SPHKAP: variants seen among roughly 807,000 people sequenced by gnomAD.
SPHKAP encodes SPHK1 interactor, AKAP domain containing, also known as A-kinase anchor protein SPHKAP.
A neutral mutation model predicts 137.5 loss-of-function variants in SPHKAP; 67 were observed. The observed-to-expected ratio is 0.49, with a 90% confidence interval of 0.40 to 0.60. The LOEUF is 0.60. SPHKAP is among the 20% of genes least tolerant of loss of function. The probability of loss-of-function intolerance (pLI) is 0.00; values close to 1 mark genes in which losing one functional copy is unlikely to be tolerated. For missense variants in SPHKAP, 2,097 were observed against 2,069.3 expected (o/e 1.01, Z -0.26); for synonymous variants, 813 against 785.3 (o/e 1.04, Z -0.59).
At chr2:228,001,828 T>A (rs1390693194) in intron 7 of SPHKAP, among the ~76,000 whole-genome samples, 1 of 152,100 alleles carries the variant, frequency 6.6e-6, no homozygotes, top group Non-Finnish European at 1.5e-5. Context: ...TGTTTGGTTT[T>A]TTTTCCTTGC....
At chr2:228,050,324 T>A (rs1195011447) in intron 3 of SPHKAP, among the ~76,000 whole-genome samples, 1 of 152,156 alleles carries the variant, frequency 6.6e-6, no homozygotes, top group East Asian at 1.9e-4. Context: ...AGCAATCCCA[T>A]TGCTGAGTAT....
At chr2:228,055,009 T>A (rs10933232) in intron 3 of SPHKAP, among the ~76,000 whole-genome samples, 2 of 151,446 alleles carry the variant, frequency 1.3e-5, no homozygotes, top group African/African-American at 4.9e-5. Context: ...AGGCATGGTG[T>A]TGCATGCCTG....
chr2:227,996,204 T>A, intron 7 of SPHKAP: 1 of 813,992 alleles, frequency 1.2e-6, no homozygotes, highest in Non-Finnish European at 1.5e-6. Context: ...GCCTCTATAT[T>A]TTGATATGCA....
At chr2:228,053,228 T>G (rs1020480503) in intron 3 of SPHKAP, among the ~76,000 whole-genome samples, 2 of 151,920 alleles carry the variant, frequency 1.3e-5, no homozygotes, top group Admixed American at 6.6e-5. Flanking sequence ...CAGGACCCCA[T>G]TCTCATAACC....
chr2:227,997,158 C>G (rs1191044291), intron 7 of SPHKAP, among the ~76,000 whole-genome samples: 4 of 152,202 alleles, frequency 2.6e-5, no homozygotes, highest in Non-Finnish European at 5.9e-5. Flanking sequence ...TCAGGAACTT[C>G]CTGAAGCCAA....
At chr2:228,173,295 T>C (rs978296771) in intron 1 of SPHKAP, among the ~76,000 whole-genome samples, 3 of 152,238 alleles carry the variant, frequency 2.0e-5, no homozygotes, top group African/African-American at 4.8e-5. Context: ...TTAATGCCTA[T>C]GGTAGACTGA....
chr2:227,991,136 A>T lies in SPHKAP; in HGVS notation c.4823T>A (p.Leu1608Gln). The T allele has an allele frequency of 1.9e-6, 3 of 1,614,128 alleles. No homozygotes were observed. Among genetic ancestry groups the T allele is most frequent in the Non-Finnish European group, 2.5e-6 (3 of 1,180,014 alleles). ...CTCCAGGTCAAAGTTGATCACCAGC[A>T]GGCTCCTCTGGGGGCTGGCTGTTCC... is the stretch of plus-strand genomic sequence containing the variant. ...PTGTASPQRS[L>Q]LVINFDLEPE... The change falls in exon 11 of 12, where the codon CTG (leucine) becomes CAG (glutamine). Residue 1608 changes from leucine (L) to glutamine (Q), a missense_variant. Physicochemically the swap from Leu to Gln is moderately radical, Grantham distance 113. Coordinates refer to ENST00000392056, the MANE Select transcript of SPHKAP (RefSeq NM_001142644.2).
At chr2:228,001,307 CTATACATATATAAATATA>C (rs1395793526) in intron 7 of SPHKAP, among the ~76,000 whole-genome samples, 40 of 135,788 alleles carry the variant, frequency 2.9e-4, no homozygotes, top group African/African-American at 7.8e-4. Context: ...ATAAATATAT[CTATACATATATAAATATA>C]TATACATATA....
At chr2:228,010,638 T>G (rs2106197253) in intron 7 of SPHKAP, among the ~76,000 whole-genome samples, 1 of 152,308 alleles carries the variant, frequency 6.6e-6, no homozygotes, top group East Asian at 1.9e-4. Flanking sequence ...TAAAGCTCTC[T>G]CTGTAGGTAT....
At chr2:228,167,169 G>T (rs1700445596) in intron 1 of SPHKAP, among the ~76,000 whole-genome samples, 1 of 152,156 alleles carries the variant, frequency 6.6e-6, no homozygotes, top group South Asian at 2.1e-4. Flanking sequence ...TATCAATTGT[G>T]ATAACAACTT....
intron 3 of SPHKAP, among the ~76,000 whole-genome samples, chr2:228,049,991 C>T (rs1473038313): frequency 6.6e-6 from 1 of 151,868 alleles, no homozygotes; most frequent in Non-Finnish European, 1.5e-5. Flanking sequence ...AATAACTCAA[C>T]AAGAAAAAAC....
chr2:228,147,279 A>G (rs931512736), intron 1 of SPHKAP, among the ~76,000 whole-genome samples: 2 of 152,214 alleles, frequency 1.3e-5, no homozygotes, highest in Non-Finnish European at 2.9e-5. Flanking sequence ...GTGAGAGTCT[A>G]TAGTCCTGAG....
intron 3 of SPHKAP, among the ~76,000 whole-genome samples, chr2:228,043,220 A>C (rs1695916046): frequency 6.6e-6 from 1 of 152,232 alleles, no homozygotes; most frequent in Admixed American, 6.5e-5. Context: ...TACAGATCAA[A>C]CCCGTGAATC....
chr2:228,069,221 C>T (rs1305091671), intron 3 of SPHKAP, among the ~76,000 whole-genome samples: 1 of 152,090 alleles, frequency 6.6e-6, no homozygotes, highest in Non-Finnish European at 1.5e-5. Flanking sequence ...GAGCCGAGAT[C>T]GTGCCATTGC....
At chr2:228,180,619 G>A (rs1305653686) in intron 1 of SPHKAP, among the ~76,000 whole-genome samples, 1 of 152,176 alleles carries the variant, frequency 6.6e-6, no homozygotes, top group African/African-American at 2.4e-5. Context: ...GGGCTGCGCC[G>A]CAGCCAGGAC....
intron 5 of SPHKAP, among the ~76,000 whole-genome samples, chr2:228,024,090 A>G (rs1694940841): frequency 6.6e-6 from 1 of 152,196 alleles, no homozygotes; most frequent in East Asian, 1.9e-4. Context: ...ACATTGTTTA[A>G]GTCTCTAATC....
At chr2:228,141,460 T>A (rs1371661341) in intron 1 of SPHKAP, among the ~76,000 whole-genome samples, 1 of 152,192 alleles carries the variant, frequency 6.6e-6, no homozygotes, top group Non-Finnish European at 1.5e-5. Flanking sequence ...TTGATAGGTT[T>A]TCAGCACATT....
chr2:227,991,547 A>G, intron 9 of SPHKAP: 1 of 985,460 alleles, frequency 1.0e-6, no homozygotes, highest in Non-Finnish European at 1.2e-6. Flanking sequence ...ACAACAGGCC[A>G]GATAACTCAA....
At chr2:228,100,431 G>A (rs1698152671) in intron 3 of SPHKAP, among the ~76,000 whole-genome samples, 1 of 152,098 alleles carries the variant, frequency 6.6e-6, no homozygotes. Context: ...AGTTCTTAAG[G>A]GGAATGCTTC....
Sources: gnomAD v4.1 joint callset for allele counts (sites outside exome capture counted in the v4.1 genomes callset) on GRCh38, gnomAD v4.1.1 for gene constraint, MANE v1.5 for transcripts, NCBI Gene and HGNC (gene_info 2026-07-23, HGNC 2026-07-21) for gene names.